COL5A3: variants seen among roughly 807,000 people sequenced by gnomAD.
COL5A3 encodes the protein collagen alpha-3(V) chain.
COL5A3 carries 172 observed loss-of-function variants against 250.0 expected under a neutral mutation model. The ratio of observed to expected loss-of-function variants is 0.69; its 90% confidence interval spans 0.61 to 0.78. The LOEUF (loss-of-function observed/expected upper bound fraction) is 0.78. Ranked by LOEUF, COL5A3 falls within the 30% of genes least tolerant of loss-of-function variation. The pLI is 0.00. For synonymous variants in COL5A3, 937 were observed against 900.4 expected, an observed-to-expected ratio of 1.04 and a Z score of -0.73; for missense variants, 2,340 against 2,334.4, an observed-to-expected ratio of 1.00 and a Z score of -0.05.
In COL5A3 at chr19:9,986,553, C is replaced by T. The variant is rs781052527; in HGVS notation, c.2244G>A (p.Gln748=). ...ACCCCTCATCTGGAGCTGGTCTTAC[C>T]TGATCACCTTTGAGCCCCACATCGC... The part of the protein sequence containing the change: ...FKGDVGLKGD[Q]GKPGAPGPRG... Residue 748 remains glutamine (Q), a splice_region_variant and synonymous_variant, in exon 29 of 67, where the codon CAG becomes CAA. Coordinates refer to ENST00000264828, the MANE Select transcript of COL5A3 (RefSeq NM_015719.4). 9.9e-6 allele frequency: 16 copies of T among 1,614,060 alleles called. 1 individual carries two copies. The highest frequency in any genetic ancestry group is 1.6e-4 in the Middle Eastern group (1 of 6,062).
intron 62 of COL5A3, 22 bp from the exon 63 acceptor site, chr19:9,966,768 G>A (rs749772615): frequency 2.0e-6 from 3 of 1,515,052 alleles, no homozygotes; most frequent in South Asian, 1.2e-5. Context: ...GGATGGGGAC[G>A]GAGAAGAGAG....
In COL5A3 at chr19:9,959,954, G is replaced by A. The variant is rs1796599070; in HGVS notation, c.*457C>T. 1 of 171,302 alleles carries A rather than the reference G, an allele frequency of 5.8e-6. No individual in the cohort carries two copies. Among genetic ancestry groups the A allele is most frequent in the Non-Finnish European group, 1.3e-5 (1 of 78,234 alleles). The allele number at this position is 171,302 out of a possible 1,614,324, so 10.6% of individuals were successfully genotyped here. A position where few individuals can be genotyped will look rare whatever the true frequency, so the allele number is the denominator to read the frequency against. On this transcript the variant is annotated 3_prime_UTR_variant, in exon 67 of 67. Coordinates refer to ENST00000264828, the MANE Select transcript of COL5A3 (RefSeq NM_015719.4). ...CACCGTGGAAGTAGAAAGGATCAAA[G>A]GGGGTGGGGGTAGGGGTCCCAGCCT...
rs576119335 is a variant in COL5A3 at position 10,000,452 on chromosome 19, CTT to C, written c.1110+1070_1110+1071del. ...TGTGCCATTCAGCAGCCAGAGAGCTCTTTTTTTTTTTTTTTTTTTTTTTTTTT... is the reference window on the plus strand; with the variant it reads ...TGTGCCATTCAGCAGCCAGAGAGCTCTTTTTTTTTTTTTTTTTTTTTTTTT... On this transcript the variant is annotated intron_variant, in intron 8 of 66. Coordinates refer to ENST00000264828, the MANE Select transcript of COL5A3 (RefSeq NM_015719.4). Among the ~76,000 whole-genome samples, 300 of 62,770 alleles carry C rather than the reference CTT, an allele frequency of 4.8e-3. 4 individuals carry two copies. Among genetic ancestry groups the C allele is most frequent in the African/African-American group, 0.02 (279 of 14,024 alleles). 41.2% of individuals were successfully genotyped at this position (62,770 alleles called of 152,430 possible).
intron 54 of COL5A3, among the ~76,000 whole-genome samples, 163 bp downstream of exon 54, chr19:9,970,459 G>A (rs2086826479): frequency 2.8e-5 from 2 of 71,258 alleles, no homozygotes; most frequent in African/African-American, 5.5e-5. Flanking sequence ...TGGGGTCTGT[G>A]GGTGTGTGGG....
Position 9,974,174 on chromosome 19 carries a change from G to A in COL5A3, c.3501C>T (p.Ser1167=). 6.2e-7 allele frequency: 1 copy of A among 1,613,860 alleles called. No individual in the cohort carries two copies. Among genetic ancestry groups the A allele is most frequent in the South Asian group, 1.1e-5 (1 of 91,048 alleles). Residue 1167 remains serine, a synonymous_variant, in exon 47 of 67, where the codon TCC becomes TCT. Coordinates refer to ENST00000264828, the MANE Select transcript of COL5A3 (RefSeq NM_015719.4). ...GEKGEVGDVG[S]MGPHGAPGPR... ...ACCTTCCTCTGGGAGTGCATACCAT[G>A]GACCCGACGTCTCCGACCTCCCCTT...
chr19:9,966,287 A>T, intron 64 of COL5A3, 27 bp downstream of exon 64: 1 of 1,545,912 alleles, frequency 6.5e-7, no homozygotes, highest in Non-Finnish European at 8.9e-7. Flanking sequence ...TTCCTGGGGG[A>T]GGCGATGAGA....
At chr19:10,008,505 C>T (rs2087476637) in intron 1 of COL5A3, among the ~76,000 whole-genome samples, 1 of 152,004 alleles carries the variant, frequency 6.6e-6, no homozygotes, top group Admixed American at 6.6e-5. Flanking sequence ...CTGGTCAGGG[C>T]CCCCACGGGG....
chr19:9,999,096 T>C (rs1176022075), intron 8 of COL5A3, among the ~76,000 whole-genome samples: 2 of 151,718 alleles, frequency 1.3e-5, no homozygotes, highest in African/African-American at 4.8e-5. Flanking sequence ...TCAGAGTCAC[T>C]CTATTGCCCA....
chr19:9,968,981 G>T lies in COL5A3; in HGVS notation c.4153-253C>A. The T allele has an allele frequency of 1.7e-6, 1 of 593,336 alleles. No individual in the cohort carries two copies. The highest frequency in any genetic ancestry group is 3.0e-6 in the Non-Finnish European group (1 of 337,712). The allele number at this position is 593,336 out of a possible 1,614,324, so 36.8% of individuals were successfully genotyped here. A position where few individuals can be genotyped will look rare whatever the true frequency, so the allele number is the denominator to read the frequency against. On this transcript the variant is annotated intron_variant, in intron 57 of 66. Coordinates refer to ENST00000264828, the MANE Select transcript of COL5A3 (RefSeq NM_015719.4). This position sits in a 1 kb window ranked among gnomAD's most constrained non-coding sequence, Gnocchi z 4.1. ...GGTGATCAGTGTAGACCATTAAGAT[G>T]GAGAGTCAGTGCAGGCATCAAGATG...
chr19:9,983,191 A>G (rs28480971), intron 31 of COL5A3, among the ~76,000 whole-genome samples: 99 of 152,082 alleles, frequency 6.5e-4, no homozygotes, highest in African/African-American at 2.3e-3. Context: ...GAACACATGC[A>G]CACAAGGACT....
Position 10,009,477 on chromosome 19 carries a change from A to C in COL5A3, c.88+821T>G, listed in dbSNP as rs1431740594. ...CCTCGGGAAAAACACCCAAGGCTCCAGCAGCTGGGGTGGGGAGGGGGGGAG... is the reference window on the plus strand; with the variant it reads ...CCTCGGGAAAAACACCCAAGGCTCCCGCAGCTGGGGTGGGGAGGGGGGGAG... On this transcript the variant is annotated intron_variant, in intron 1 of 66. Transcript: ENST00000264828. This position sits in a 1 kb window ranked among gnomAD's most constrained non-coding sequence, Gnocchi z 4.4. Among the ~76,000 whole-genome samples the C allele has an allele frequency of 2.0e-5, 3 of 147,668 alleles. No homozygotes were observed. Among genetic ancestry groups the C allele is most frequent in the African/African-American group, 7.4e-5 (3 of 40,802 alleles).
chr19:9,988,855 A>AAAAAAGAGAGAGAAAG (rs1269531312), intron 27 of COL5A3, among the ~76,000 whole-genome samples: 2 of 104,730 alleles, frequency 1.9e-5, no homozygotes, highest in African/African-American at 4.5e-5. Flanking sequence ...AAAAAAAAAA[A>AAAAAAGAGAGAGAAAG]AAAGAAAGTA....
intron 8 of COL5A3, among the ~76,000 whole-genome samples, chr19:10,000,452 CTTTTTTTTTTT>C (rs576119335): frequency 1.3e-3 from 79 of 62,794 alleles, no homozygotes; most frequent in African/African-American, 5.2e-3. Flanking sequence ...CCAGAGAGCT[CTTTTTTTTTTT>C]TTTTTTTTTT....
At chr19:9,986,266 A>AT in intron 30 of COL5A3, 49 bp downstream of exon 30, 1 of 1,282,208 alleles carries the variant, frequency 7.8e-7, no homozygotes, top group Non-Finnish European at 1.1e-6. Context: ...GAGGGAAAAG[A>AT]TTGGGGACAC....
chr19:9,976,970 G>T (rs763835487), intron 44 of COL5A3, among the ~76,000 whole-genome samples: 2 of 152,118 alleles, frequency 1.3e-5, no homozygotes, highest in Non-Finnish European at 2.9e-5. Flanking sequence ...TAACAATGGA[G>T]AAGGTTACCC....
intron 41 of COL5A3, among the ~76,000 whole-genome samples, 182 bp downstream of exon 41, chr19:9,978,392 T>C (rs1599544293): frequency 1.3e-5 from 2 of 152,044 alleles, no homozygotes; most frequent in South Asian, 4.2e-4. Flanking sequence ...CCTGGCTAAT[T>C]TTTGTATTTT....
In COL5A3 at chr19:9,974,134, C is replaced by G. The variant is rs778897386; in HGVS notation, c.3504+37G>C. ...GCCTGCCGCCAACCTATAACCCCAC[C>G]ATCCTCCCCCTCCCACCTTCCTCTG... On this transcript the variant is annotated intron_variant, in intron 47 of 66. Transcript: ENST00000264828. 1.1e-5 allele frequency: 18 copies of G among 1,602,988 alleles called. No homozygotes were observed. In the Admixed American group the frequency reaches 2.8e-4, roughly 25 times the overall value.
rs776252422 is a variant in COL5A3 at position 9,978,540 on chromosome 19, C to T, written c.3018+34G>A. ...CCAAGACACCTTGAGTCCCCTCCAC[C>T]CTGCCCCCACCCAGCACATGGGGTT... is the stretch of plus-strand genomic sequence containing the variant. On this transcript the variant is annotated intron_variant, in intron 41 of 66. Coordinates refer to ENST00000264828, the MANE Select transcript of COL5A3 (RefSeq NM_015719.4). The T allele has an allele frequency of 2.7e-6, 4 of 1,486,196 alleles. No individual in the cohort carries two copies. In the South Asian group the frequency reaches 4.6e-5, roughly 17 times the overall value. 92.1% of individuals were successfully genotyped at this position (1,486,196 alleles called of 1,614,324 possible). A position where few individuals can be genotyped will look rare whatever the true frequency, so the allele number is the denominator to read the frequency against.
At chr19:9,992,970 C>A (rs1015567374) in intron 20 of COL5A3, 53 bp downstream of exon 20, 5 of 1,609,296 alleles carry the variant, frequency 3.1e-6, no homozygotes, top group Non-Finnish European at 2.5e-6. Context: ...CCCTGGGAGT[C>A]CTGACTCCCT....
Sources: allele counts gnomAD v4.1 joint callset (sites outside exome capture counted in the v4.1 genomes callset), GRCh38; gene constraint gnomAD v4.1.1; non-coding constraint Gnocchi (gnomAD v3.1); transcripts MANE v1.5; gene names NCBI Gene and HGNC (gene_info 2026-07-23, HGNC 2026-07-21).